SLC7A11: variants seen among roughly 807,000 people sequenced by gnomAD.
The protein encoded by SLC7A11 is cystine/glutamate transporter.
In SLC7A11, 35 loss-of-function variants were observed where a neutral mutation model predicts 54.5. The ratio of observed to expected loss-of-function variants is 0.64; its 90% CI spans 0.49 to 0.85. The LOEUF is 0.85. Among genes scored for constraint, SLC7A11 ranks in the 40% least tolerant of loss-of-function variants. The pLI is 0.00. For missense variants in SLC7A11, 583 were observed against 618.1 expected, an observed-to-expected ratio of 0.94 and a Z score of 0.60; for synonymous variants, 230 against 225.2, an observed-to-expected ratio of 1.02 and a Z score of -0.19.
intron 6 of SLC7A11, among the ~76,000 whole-genome samples, chr4:138,192,407 G>A (rs1737032624): frequency 6.6e-6 from 1 of 152,142 alleles, no homozygotes; most frequent in Admixed American, 6.5e-5. Context: ...AGGAATACGG[G>A]TCACAGAATA....
intron 4 of SLC7A11, among the ~76,000 whole-genome samples, chr4:138,222,104 T>C (rs899110087): frequency 1.3e-5 from 2 of 152,212 alleles, no homozygotes; most frequent in Non-Finnish European, 2.9e-5. Flanking sequence ...AAAATCTTCA[T>C]TGTGTTTATT....
At position 138,222,716 on chromosome 4, in the gene SLC7A11, T is replaced by C. The variant is rs928008365; in HGVS notation, c.646+483A>G. On this transcript the variant is annotated intron_variant, in intron 4 of 11. Transcript: ENST00000280612. ...ATAATTTTGGTGTTTAGGAATGCTG[T>C]TCCCGTATTGACTCCTCTGTTGAGG... Among the ~76,000 whole-genome samples, 20 of 152,334 alleles carry C rather than the reference T, an allele frequency of 1.3e-4. No individual in the cohort carries two copies. In the East Asian group the frequency reaches 3.9e-3, roughly 29 times the overall value.
At chr4:138,216,309 A>G (rs1475062434) in intron 5 of SLC7A11, among the ~76,000 whole-genome samples, 2 of 152,204 alleles carry the variant, frequency 1.3e-5, no homozygotes, top group African/African-American at 2.4e-5. Context: ...TGCTTTAGAA[A>G]GACTAAATCC....
chr4:138,242,107 A>G lies in SLC7A11; in HGVS notation c.-38T>C. On this transcript the variant is annotated 5_prime_UTR_variant, in exon 1 of 12. Transcript: ENST00000280612. ...CGGGGGAAAAATAAAACAGAGGGAA[A>G]GAAAACAAAACTTTCAACTTTGGTG... The G allele has an allele frequency of 6.3e-7, 1 of 1,597,530 alleles. No individual in the cohort carries two copies.
At chr4:138,197,375 T>C (rs1365583184) in intron 6 of SLC7A11, among the ~76,000 whole-genome samples, 1 of 152,060 alleles carries the variant, frequency 6.6e-6, no homozygotes, top group African/African-American at 2.4e-5. Flanking sequence ...ATTAATAGGA[T>C]TTGGGGGTAA....
Position 138,232,352 on chromosome 4 carries a change from T to C in SLC7A11, c.435A>G (p.Ala145=), listed in dbSNP as rs147680354. 344 of 1,612,890 alleles carry C rather than the reference T, an allele frequency of 2.1e-4. 1 individual carries two copies. Among genetic ancestry groups the C allele is most frequent in the Non-Finnish European group, 2.8e-4 (331 of 1,179,068 alleles). Reference sequence around the variant, plus strand: ...ATGGTTCCAGAATGTAGCGTCCAAATGCCAGGGATATCACAGCAGTAGCTG... The same window carrying C: ...ATGGTTCCAGAATGTAGCGTCCAAACGCCAGGGATATCACAGCAGTAGCTG... ...RPAATAVISL[A]FGRYILEPFF... The change falls in exon 3 of 12, where the codon GCA becomes GCG. Residue 145 remains alanine (A), a synonymous_variant. Transcript: ENST00000280612.
At chr4:138,221,099 G>T (rs539288031) in intron 4 of SLC7A11, among the ~76,000 whole-genome samples, 1 of 152,048 alleles carries the variant, frequency 6.6e-6, no homozygotes, top group Non-Finnish European at 1.5e-5. Context: ...GGTCTCTTTG[G>T]CATAAAGGCA....
intron 3 of SLC7A11, among the ~76,000 whole-genome samples, chr4:138,230,315 G>C (rs938254154): frequency 1.3e-5 from 2 of 151,412 alleles, no homozygotes; most frequent in Non-Finnish European, 1.5e-5. Context: ...ACCAGGTTTA[G>C]TACCTGGGTG....
intron 3 of SLC7A11, among the ~76,000 whole-genome samples, chr4:138,225,421 C>T (rs72935811): frequency 0.031 from 4,685 of 151,728 alleles, 233 homozygotes; most frequent in African/African-American, 0.11. Flanking sequence ...CCTGAATAAG[C>T]TACAGGGGCA....
At chr4:138,233,499 C>A (rs1738132673) in intron 2 of SLC7A11, among the ~76,000 whole-genome samples, 1 of 152,018 alleles carries the variant, frequency 6.6e-6, no homozygotes, top group Non-Finnish European at 1.5e-5. Context: ...TATCTAATTT[C>A]TTATGCCAAA....
At chr4:138,191,872 A>G (rs991149546) in intron 6 of SLC7A11, among the ~76,000 whole-genome samples, 14 of 152,162 alleles carry the variant, frequency 9.2e-5, no homozygotes, top group Non-Finnish European at 1.6e-4. Flanking sequence ...GGATAAACAC[A>G]AACATATTTG....
intron 3 of SLC7A11, among the ~76,000 whole-genome samples, chr4:138,230,464 A>T (rs1171233878): frequency 6.6e-6 from 1 of 152,090 alleles, no homozygotes; most frequent in Non-Finnish European, 1.5e-5. Context: ...CAAACAAAAA[A>T]TTTGGCTTAA....
In SLC7A11 at chr4:138,232,321, TA is replaced by T; in HGVS notation, c.465del (p.Phe155LeufsTer19). The T allele has an allele frequency of 6.2e-7, 1 of 1,613,764 alleles. No homozygotes were observed. The highest frequency in any genetic ancestry group is 8.5e-7 in the Non-Finnish European group (1 of 1,179,774). On this transcript the variant is annotated frameshift_variant, in exon 3 of 12. Coordinates refer to ENST00000280612, the MANE Select transcript of SLC7A11 (RefSeq NM_014331.4). LOFTEE classifies it high-confidence loss of function. Reference protein sequence around the residue: ...AFGRYILEPFFIQCEIPELAI... With the variant: ...AFGRYILEPFXIQCEIPELAI... ...GCAAGTTCAGGGATTTCACATTGAA[TA>T]AAAAATGGTTCCAGAATGTAGCGTC... is the stretch of plus-strand genomic sequence containing the variant.
At chr4:138,233,156 T>A (rs1225818333) in intron 2 of SLC7A11, among the ~76,000 whole-genome samples, 1 of 151,690 alleles carries the variant, frequency 6.6e-6, no homozygotes, top group South Asian at 2.1e-4. Flanking sequence ...ATTTTTTCCA[T>A]AAACATGCAA....
chr4:138,215,756 G>GAA (rs141885073), intron 5 of SLC7A11, among the ~76,000 whole-genome samples: 16 of 148,986 alleles, frequency 1.1e-4, no homozygotes, highest in Admixed American at 6.0e-4. Flanking sequence ...AAAGAAAAAA[G>GAA]AAAAAAAAAC....
At chr4:138,223,520 G>T (rs750867208) in intron 3 of SLC7A11, among the ~76,000 whole-genome samples, 196 bp from the exon 4 acceptor site, 15 of 152,264 alleles carry the variant, frequency 9.9e-5, no homozygotes, top group South Asian at 2.1e-4. Flanking sequence ...TCTCCAGCTG[G>T]TTTTTATGCA....
chr4:138,218,129 A>G (rs755690884), intron 5 of SLC7A11, among the ~76,000 whole-genome samples: 1 of 152,214 alleles, frequency 6.6e-6, no homozygotes, highest in Non-Finnish European at 1.5e-5. Context: ...TCATAATTCA[A>G]TGAGATTAAT....
At chr4:138,201,669 C>T (rs113239991) in intron 6 of SLC7A11, among the ~76,000 whole-genome samples, 1 of 152,052 alleles carries the variant, frequency 6.6e-6, no homozygotes, top group African/African-American at 2.4e-5. Context: ...AGAAAAGAAA[C>T]AGCTTCCCCA....
At chr4:138,217,127 G>A (rs1214558584) in intron 5 of SLC7A11, among the ~76,000 whole-genome samples, 3 of 131,550 alleles carry the variant, frequency 2.3e-5, no homozygotes, top group Admixed American at 7.6e-5. Flanking sequence ...TTATTTCTGC[G>A]TCTTCACAAA....
Sources: allele counts gnomAD v4.1 joint callset (sites outside exome capture counted in the v4.1 genomes callset), GRCh38; gene constraint gnomAD v4.1.1; transcripts MANE v1.5; gene names NCBI Gene and HGNC (gene_info 2026-07-23, HGNC 2026-07-21).